SLC5A10: variants seen among roughly 807,000 people sequenced by gnomAD.
The protein encoded by SLC5A10 is sodium/mannose cotransporter SLC5A10.
SLC5A10 carries 55 observed loss-of-function variants against 68.9 expected under a neutral mutation model. That is an observed-to-expected ratio of 0.80 (90% CI 0.64 to 1.00). The LOEUF is 1.00. Among genes scored for constraint, SLC5A10 ranks in the 50% least tolerant of loss-of-function variants. The pLI, the probability that SLC5A10 is intolerant of heterozygous loss-of-function variation, is 0.00. For synonymous variants in SLC5A10, 344 were observed against 344.8 expected (o/e 1.00, Z 0.02); for missense variants, 732 against 819.3 (o/e 0.89, Z 1.30).
At position 18,971,844 on chromosome 17, in the gene SLC5A10, G is replaced by A. The variant is rs529981636; in HGVS notation, c.846+626G>A. The A allele has an allele frequency of 3.7e-5, 51 of 1,380,352 alleles. No individual in the cohort carries two copies. In the African/African-American group the frequency reaches 5.4e-4, roughly 15 times the overall value. The allele number at this position is 1,380,352 out of a possible 1,614,324, so 85.5% of individuals were successfully genotyped here. On this transcript the variant is annotated intron_variant, in intron 8 of 14. Coordinates refer to ENST00000395645, the MANE Select transcript of SLC5A10 (RefSeq NM_001042450.4). The surrounding 1 kb of genome is among the most constrained non-coding windows in gnomAD (Gnocchi z 5.5). Reference sequence around the variant, plus strand: ...CAGGCACACAGGAGCCGGCAGGCCCGGGTTCGCCTCCTGGCTCTGCCATTC... The same window carrying A: ...CAGGCACACAGGAGCCGGCAGGCCCAGGTTCGCCTCCTGGCTCTGCCATTC...
intron 13 of SLC5A10, 42 bp from the exon 14 acceptor site, chr17:19,020,113 C>CG: frequency 1.1e-6 from 1 of 882,198 alleles, no homozygotes; most frequent in Non-Finnish European, 1.9e-6. Context: ...CCCCACCCTG[C>CG]CATCCCCCAC....
In SLC5A10 at chr17:18,967,616, G is replaced by A. The variant is rs139675548; in HGVS notation, c.454-1436G>A. Among the ~76,000 whole-genome samples, 298 of 152,348 alleles carry A rather than the reference G, an allele frequency of 2.0e-3. 2 individuals carry two copies. The highest frequency in any genetic ancestry group is 6.7e-3 in the African/African-American group (280 of 41,576). On this transcript the variant is annotated intron_variant, in intron 5 of 14. Transcript: ENST00000395645. The stretch of plus-strand genomic sequence containing the variant: ...ACAGCCAGGGTCCAGCAGGAGTCTG[G>A]AGCAGTGACTGTAGGACAGAAGCTT...
At chr17:18,973,859 G>A (rs760499698) in intron 8 of SLC5A10, among the ~76,000 whole-genome samples, 8 of 150,034 alleles carry the variant, frequency 5.3e-5, no homozygotes, top group African/African-American at 7.4e-5. Flanking sequence ...CACCACACTC[G>A]GCTAATTTTT....
In SLC5A10 at chr17:19,017,434, G is replaced by A. The variant is rs1160196049; in HGVS notation, c.1242-1989G>A. On this transcript the variant is annotated intron_variant, in intron 11 of 14. Coordinates refer to ENST00000395645, the MANE Select transcript of SLC5A10 (RefSeq NM_001042450.4). This position sits in a 1 kb window ranked among gnomAD's most constrained non-coding sequence, Gnocchi z 5.6. ...CTGACAACAGTCTCTGTCAGGGAGA[G>A]GCGAGGCTTACAGAGAGAAGACCAA... 3.3e-6 allele frequency: 5 copies of A among 1,533,812 alleles called. No individual in the cohort carries two copies. The highest frequency in any genetic ancestry group is 4.4e-6 in the Non-Finnish European group (5 of 1,130,928).
At chr17:19,007,627 T>G (rs1432814124) in intron 9 of SLC5A10, among the ~76,000 whole-genome samples, 1 of 152,190 alleles carries the variant, frequency 6.6e-6, no homozygotes, top group African/African-American at 2.4e-5. Flanking sequence ...CTTATACTGT[T>G]GAATTTCAAA....
At chr17:18,990,486 G>A (rs2043388729) in intron 9 of SLC5A10, among the ~76,000 whole-genome samples, 1 of 152,202 alleles carries the variant, frequency 6.6e-6, no homozygotes, top group African/African-American at 2.4e-5. Context: ...GGCGCAGTAG[G>A]CATGCTTCTC....
chr17:19,019,142 G>A (rs115460236), intron 11 of SLC5A10: 107 of 417,322 alleles, frequency 2.6e-4, no homozygotes, highest in African/African-American at 2.1e-3. Flanking sequence ...GCTCCATGGC[G>A]GAGCTCCAAG....
At chr17:19,009,145 T>G (rs1015013009) in intron 9 of SLC5A10, among the ~76,000 whole-genome samples, 13 of 152,088 alleles carry the variant, frequency 8.5e-5, no homozygotes, top group African/African-American at 3.1e-4. Flanking sequence ...ACTCAAGATC[T>G]TACAGCAAGG....
At chr17:18,970,944 AGGGG>A (rs1384957494) in intron 7 of SLC5A10, 65 bp from the exon 8 acceptor site, 1 of 1,467,768 alleles carries the variant, frequency 6.8e-7, no homozygotes, top group African/African-American at 1.4e-5. Flanking sequence ...AGATGAAGGC[AGGGG>A]GGAGCCCAGG....
Position 19,003,776 on chromosome 17 carries a change from C to A in SLC5A10, c.983-9634C>A, listed in dbSNP as rs1262598470. 7 of 1,610,544 alleles carry A rather than the reference C, an allele frequency of 4.3e-6. No individual in the cohort carries two copies. The highest frequency in any genetic ancestry group is 2.7e-5 in the African/African-American group (2 of 74,718). The stretch of plus-strand genomic sequence containing the variant: ...GTCGCCGACCCCATTGTCCTCGGGC[C>A]CCTGAGAGGGGCCCGTGCCCCGAGG... On this transcript the variant is annotated intron_variant, in intron 9 of 14. Coordinates refer to ENST00000395645, the MANE Select transcript of SLC5A10 (RefSeq NM_001042450.4). The surrounding 1 kb of genome is among the most constrained non-coding windows in gnomAD (Gnocchi z 4.5).
chr17:18,978,419 T>G, intron 9 of SLC5A10: 1 of 1,593,994 alleles, frequency 6.3e-7, no homozygotes. Context: ...CGGGTCTGGC[T>G]CCACCCACGT....
intron 9 of SLC5A10, among the ~76,000 whole-genome samples, chr17:19,010,292 G>A (rs2043987049): frequency 6.6e-6 from 1 of 152,178 alleles, no homozygotes; most frequent in Non-Finnish European, 1.5e-5. Flanking sequence ...AAGGGGACGA[G>A]GAGGGGCAAC....
intron 8 of SLC5A10, among the ~76,000 whole-genome samples, chr17:18,975,235 G>A (rs945178788): frequency 1.3e-5 from 2 of 152,248 alleles, no homozygotes; most frequent in African/African-American, 4.8e-5. Flanking sequence ...GTCACAGCAA[G>A]CTGGCAGAGA....
intron 9 of SLC5A10, among the ~76,000 whole-genome samples, chr17:18,981,715 T>A (rs1373006810): frequency 6.6e-6 from 1 of 152,156 alleles, no homozygotes; most frequent in Non-Finnish European, 1.5e-5. Flanking sequence ...AGCCTTTTCA[T>A]AGGGCCCAGT....
At chr17:18,980,549 G>A (rs2043105324) in intron 9 of SLC5A10, among the ~76,000 whole-genome samples, 1 of 152,148 alleles carries the variant, frequency 6.6e-6, no homozygotes, top group Admixed American at 6.5e-5. Flanking sequence ...TGGAGTCTCT[G>A]GAGCTGCCAA....
rs1435021651 is a variant in SLC5A10 at position 19,003,658 on chromosome 17, G to A, written c.983-9752G>A. 1.2e-6 allele frequency: 2 copies of A among 1,612,118 alleles called. No individual in the cohort carries two copies. The highest frequency in any genetic ancestry group is 1.7e-6 in the Non-Finnish European group (2 of 1,179,492). On this transcript the variant is annotated intron_variant, in intron 9 of 14. Transcript: ENST00000395645. This position sits in a 1 kb window ranked among gnomAD's most constrained non-coding sequence, Gnocchi z 4.5. ...CGGGCCAGCCCAGGTCCAGCTGCGGGATGGAGCGGTCCGACTTCTGGGGCC... is the reference window on the plus strand; with the variant it reads ...CGGGCCAGCCCAGGTCCAGCTGCGGAATGGAGCGGTCCGACTTCTGGGGCC...
intron 1 of SLC5A10, among the ~76,000 whole-genome samples, chr17:18,956,588 C>CTGGATGATTTA (rs2042508837): frequency 6.6e-6 from 1 of 151,646 alleles, no homozygotes; most frequent in South Asian, 2.1e-4. Flanking sequence ...GTGATCCTCC[C>CTGGATGATTTA]ACCTCAGACT....
chr17:18,958,638 C>A (rs759967171), intron 1 of SLC5A10, 44 bp from the exon 2 acceptor site: 1 of 1,580,836 alleles, frequency 6.3e-7, no homozygotes, highest in Non-Finnish European at 8.7e-7. Context: ...TTCCCAGCAG[C>A]AGTGTGCGGG....
At chr17:18,963,627 G>A (rs1240937748) in intron 5 of SLC5A10, among the ~76,000 whole-genome samples, 2 of 152,236 alleles carry the variant, frequency 1.3e-5, no homozygotes, top group African/African-American at 4.8e-5. Flanking sequence ...GCTGTGCCCC[G>A]GGAATGCCTC....
Sources: allele counts gnomAD v4.1 joint callset (sites outside exome capture counted in the v4.1 genomes callset), GRCh38; gene constraint gnomAD v4.1.1; non-coding constraint Gnocchi (gnomAD v3.1); transcripts MANE v1.5; gene names NCBI Gene and HGNC (gene_info 2026-07-23, HGNC 2026-07-21).